Variants in RGS5 observed in about 807,000 individuals in gnomAD.
The protein encoded by RGS5 is regulator of G protein signaling 5.
RGS5 carries 20 observed loss-of-function variants against 18.9 expected under a neutral mutation model. The observed-to-expected ratio is 1.06, with a 90% CI of 0.74 to 1.54. RGS5 has a LOEUF of 1.54. Ranked by LOEUF, RGS5 falls within the 40% of genes most tolerant of loss-of-function variation. The pLI is 0.00. For synonymous variants in RGS5, 57 were observed against 76.2 expected (o/e 0.75, Z 1.31); for missense variants, 201 against 211.8 (o/e 0.95, Z 0.32).
At chr1:163,293,272 G>C (rs1391682763) in intron 2 of RGS5, among the ~76,000 whole-genome samples, 1 of 152,172 alleles carries the variant, frequency 6.6e-6, no homozygotes, top group East Asian at 1.9e-4. Context: ...ATAAATAAAA[G>C]AGGCTTAATT....
At chr1:163,315,393 C>A (rs1649993530) in intron 1 of RGS5, among the ~76,000 whole-genome samples, 1 of 152,034 alleles carries the variant, frequency 6.6e-6, no homozygotes, top group Admixed American at 6.6e-5. Flanking sequence ...CCCATCTCTA[C>A]AAAAGAAAAC....
At chr1:163,288,660 T>C (rs1294335087) in intron 2 of RGS5, among the ~76,000 whole-genome samples, 1 of 152,174 alleles carries the variant, frequency 6.6e-6, no homozygotes, top group Non-Finnish European at 1.5e-5. Context: ...ATTATAACCT[T>C]TTAGTGATCT....
intron 2 of RGS5, among the ~76,000 whole-genome samples, chr1:163,258,076 A>T (rs750040305): frequency 2.0e-5 from 3 of 152,144 alleles, no homozygotes; most frequent in Non-Finnish European, 4.4e-5. Context: ...AGCAAGTTTG[A>T]TCCTACATTG....
intron 1 of RGS5, among the ~76,000 whole-genome samples, chr1:163,315,363 C>T (rs959760374): frequency 1.3e-5 from 2 of 152,120 alleles, no homozygotes; most frequent in Non-Finnish European, 2.9e-5. Flanking sequence ...TCGAGATCAG[C>T]CTGGCCAACA....
At chr1:163,265,212 C>A (rs75014816) in intron 2 of RGS5, among the ~76,000 whole-genome samples, 3,002 of 152,188 alleles carry the variant, frequency 0.02, 50 homozygotes, top group Admixed American at 0.041. Context: ...TCTGCTGCAA[C>A]TTCAATGACG....
chr1:163,156,996 C>G (rs1657608351), intron 3 of RGS5, among the ~76,000 whole-genome samples: 1 of 151,866 alleles, frequency 6.6e-6, no homozygotes. Context: ...CAAAAATGAG[C>G]CAGAAAAGAG....
At chr1:163,164,132 C>A (rs756598461) in intron 2 of RGS5, among the ~76,000 whole-genome samples, 1 of 152,134 alleles carries the variant, frequency 6.6e-6, no homozygotes, top group Non-Finnish European at 1.5e-5. Context: ...TCCCCCACAG[C>A]ATGAAGCCCA....
chr1:163,189,953 T>C (rs1242613777), intron 1 of RGS5, among the ~76,000 whole-genome samples: 1 of 152,220 alleles, frequency 6.6e-6, no homozygotes, highest in Non-Finnish European at 1.5e-5. Context: ...TTGATAGTTA[T>C]GAAAATATTT....
chr1:163,169,153 G>T (rs895592573), intron 1 of RGS5, among the ~76,000 whole-genome samples: 4 of 151,992 alleles, frequency 2.6e-5, no homozygotes, highest in African/African-American at 9.7e-5. Flanking sequence ...GAGAATGATG[G>T]TTTCCAGCTT....
At chr1:163,318,097 A>G (rs1015602817) in intron 1 of RGS5, among the ~76,000 whole-genome samples, 1 of 152,200 alleles carries the variant, frequency 6.6e-6, no homozygotes, top group Non-Finnish European at 1.5e-5. Flanking sequence ...ATTAGTAAGG[A>G]TAAGGAAGAG....
At chr1:163,174,236 A>G (rs1416018523) in intron 1 of RGS5, among the ~76,000 whole-genome samples, 1 of 152,202 alleles carries the variant, frequency 6.6e-6, no homozygotes, top group East Asian at 1.9e-4. Flanking sequence ...ATTGGCATTT[A>G]TATCTCCATA....
At chr1:163,291,396 GT>G (rs546887134) in intron 2 of RGS5, among the ~76,000 whole-genome samples, 255 of 152,148 alleles carry the variant, frequency 1.7e-3, no homozygotes, top group African/African-American at 5.3e-3. Context: ...AGTTTAAGTG[GT>G]AATAGTACTT....
intron 2 of RGS5, among the ~76,000 whole-genome samples, chr1:163,257,599 G>A (rs1444874832): frequency 6.6e-6 from 1 of 151,990 alleles, no homozygotes; most frequent in Non-Finnish European, 1.5e-5. Flanking sequence ...TTTAATACAG[G>A]GGACTTTAGT....
At chr1:163,252,742 T>G (rs1011920988) in intron 2 of RGS5, among the ~76,000 whole-genome samples, 2 of 152,094 alleles carry the variant, frequency 1.3e-5, no homozygotes, top group African/African-American at 4.8e-5. Context: ...GTAAAACAAA[T>G]AAGAAGTGAT....
At chr1:163,167,467 G>A (rs946373974) in intron 2 of RGS5, among the ~76,000 whole-genome samples, 9 of 152,160 alleles carry the variant, frequency 5.9e-5, no homozygotes, top group African/African-American at 2.4e-5. Flanking sequence ...GCTGGGAGTC[G>A]TGTTCCTGAG....
At chr1:163,218,404 C>T (rs1245154575), upstream of RGS5, among the ~76,000 whole-genome samples, 3 of 152,052 alleles carry the variant, frequency 2.0e-5, no homozygotes, top group Non-Finnish European at 4.4e-5. Context: ...ATATCATTTA[C>T]ATTCAAAACT....
chr1:163,319,945 A>C lies in RGS5; in HGVS notation c.-378+1677T>G, dbSNP rs373650369. Among the ~76,000 whole-genome samples, 59 of 152,358 alleles carry C rather than the reference A, an allele frequency of 3.9e-4. 2 individuals are homozygous for C. In the East Asian group the frequency reaches 0.011, roughly 28 times the overall value. ...TATCAGGCAACTAAAAGTTTTAAAA[A>C]GTCAGATTTAACCTTCTAATTAAGG... On this transcript the variant is annotated intron_variant, in intron 1 of 5. Coordinates refer to the RGS5 transcript ENST00000618415.
intron 1 of RGS5, among the ~76,000 whole-genome samples, chr1:163,317,690 C>G (rs148182807): frequency 1.9e-3 from 295 of 152,266 alleles, no homozygotes; most frequent in African/African-American, 6.9e-3. Context: ...TCTTCATGAT[C>G]TGGTCCCTGT....
chr1:163,158,702 A>AGATCACAGGACCACAG (rs1387749372), intron 3 of RGS5, among the ~76,000 whole-genome samples: 1 of 152,192 alleles, frequency 6.6e-6, no homozygotes, highest in Admixed American at 6.6e-5. Context: ...AGGCAGGGCA[A>AGATCACAGGACCACAG]GATCACAGGA....
Sources: allele counts gnomAD v4.1 joint callset (sites outside exome capture counted in the v4.1 genomes callset), GRCh38; gene constraint gnomAD v4.1.1; transcripts MANE v1.5; gene names NCBI Gene and HGNC (gene_info 2026-07-23, HGNC 2026-07-21).